Variants in DISP3 observed in about 807,000 individuals in gnomAD.
DISP3 encodes the protein dispatched RND transporter family member 3.
A neutral mutation model predicts 135.3 loss-of-function variants in DISP3; 101 were observed. The observed-to-expected ratio is 0.75, with a 90% confidence interval of 0.64 to 0.88. The LOEUF is 0.88. Among genes scored for constraint, DISP3 ranks in the 40% least tolerant of loss-of-function variants. The pLI, the probability that DISP3 is intolerant of heterozygous loss-of-function variation, is 0.00. For synonymous variants in DISP3, 856 were observed against 817.0 expected (o/e 1.05, Z -0.81); for missense variants, 1,713 against 1,878.6 (o/e 0.91, Z 1.63).
At chr1:11,527,658 G>A (rs757664889) in intron 13 of DISP3, among the ~76,000 whole-genome samples, 6 of 152,126 alleles carry the variant, frequency 3.9e-5, no homozygotes, top group Admixed American at 1.3e-4. Flanking sequence ...AGACGGGCCC[G>A]GGAGCTGCTC....
At chr1:11,517,366 T>TCTGGGGTC in intron 6 of DISP3, 97 bp from the exon 7 acceptor site, 1 of 1,510,786 alleles carries the variant, frequency 6.6e-7, no homozygotes, top group Non-Finnish European at 9.1e-7. Flanking sequence ...CTGGGCCAGA[T>TCTGGGGTC]CTGGGGTCCT....
chr1:11,523,837 C>T lies in DISP3; in HGVS notation c.2363-105C>T, dbSNP rs566315577. ...CCCACCCCCTCCAGTCCCTGGGCCC[C>T]AGTTCCTGAGACTGTCTCAGATCCC... is the stretch of plus-strand genomic sequence containing the variant. On this transcript the variant is annotated intron_variant, in intron 10 of 20. Coordinates refer to ENST00000294484, the MANE Select transcript of DISP3 (RefSeq NM_020780.2). 3.3e-5 allele frequency: 28 copies of T among 843,198 alleles called. No individual in the cohort carries two copies. In the East Asian group the frequency reaches 7.1e-4, roughly 21 times the overall value. The allele number at this position is 843,198 out of a possible 1,614,324, so 52.2% of individuals were successfully genotyped here.
rs1380537520 is a variant in DISP3 at position 11,520,674 on chromosome 1, C to T, written c.2201-13C>T. 1 of 1,611,832 alleles carries T rather than the reference C, an allele frequency of 6.2e-7. No individual in the cohort carries two copies. Among genetic ancestry groups the T allele is most frequent in the Non-Finnish European group, 8.5e-7 (1 of 1,179,006 alleles). On this transcript the variant is annotated splice_polypyrimidine_tract_variant and intron_variant, in intron 9 of 20. Transcript: ENST00000294484. This position sits in a 1 kb window ranked among gnomAD's most constrained non-coding sequence, Gnocchi z 4.8. The stretch of plus-strand genomic sequence containing the variant: ...GGCCCAGCCCCGCCTGGTGTAGCGC[C>T]CTTTCCTCACAGGGCTGTTCGTCTC...
At chr1:11,515,899 G>T (rs1292838048) in intron 5 of DISP3, 102 bp from the exon 6 acceptor site, 2 of 1,355,218 alleles carry the variant, frequency 1.5e-6, no homozygotes, top group Non-Finnish European at 2.0e-6. Flanking sequence ...CCTGCAGCCT[G>T]ACCTCCCAGG....
intron 17 of DISP3, 117 bp from the exon 18 acceptor site, chr1:11,534,264 C>T (rs1642649120): frequency 7.9e-7 from 1 of 1,272,164 alleles, no homozygotes. Context: ...GTTGTTCACA[C>T]CCTCCCCAAC....
intron 4 of DISP3, 64 bp from the exon 5 acceptor site, chr1:11,515,305 C>T (rs536216777): frequency 6.3e-7 from 1 of 1,587,798 alleles, no homozygotes; most frequent in South Asian, 1.1e-5. Flanking sequence ...GTCAGGGACT[C>T]TAGTGGGGTT....
intron 3 of DISP3, among the ~76,000 whole-genome samples, chr1:11,509,210 A>G (rs1455133638): frequency 1.3e-5 from 2 of 152,052 alleles, no homozygotes; most frequent in African/African-American, 4.8e-5. Flanking sequence ...GGAATTTTTC[A>G]GGCTTTTTGT....
At position 11,529,654 on chromosome 1, in the gene DISP3, C is replaced by T; in HGVS notation, c.2897C>T (p.Thr966Ile). ...CTTAGCTCCAGCCCCGATGGGCCTA[C>T]CAAAGGCTTCTTCTTCGTGCCTAGT... is the stretch of plus-strand genomic sequence containing the variant. ...CLLSSSPDGP[T>I]KGFFFVPSEK... Residue 966 changes from threonine (T) to isoleucine (I), a missense_variant, in exon 14 of 21, where the codon ACC becomes ATC. Physicochemically the swap from Thr to Ile is moderately conservative, Grantham distance 89 (BLOSUM62 -1). Coordinates refer to ENST00000294484, the MANE Select transcript of DISP3 (RefSeq NM_020780.2). This position sits in a 1 kb window ranked among gnomAD's most constrained non-coding sequence, Gnocchi z 4.7. The T allele has an allele frequency of 6.2e-7, 1 of 1,608,658 alleles. No homozygotes were observed. Among genetic ancestry groups the T allele is most frequent in the African/African-American group, 1.3e-5 (1 of 74,958 alleles).
At chr1:11,503,454 G>A (rs528817287) in intron 3 of DISP3, among the ~76,000 whole-genome samples, 12 of 152,294 alleles carry the variant, frequency 7.9e-5, no homozygotes, top group South Asian at 2.1e-4. Flanking sequence ...GTAATTCTTC[G>A]TTCAAGACCA....
intron 6 of DISP3, 115 bp from the exon 7 acceptor site, chr1:11,517,348 G>C: frequency 3.6e-6 from 5 of 1,392,310 alleles, no homozygotes; most frequent in Non-Finnish European, 5.0e-6. Context: ...TCCTCCTACT[G>C]CCTCAGTCTG....
At chr1:11,530,311 C>T (rs1322988218) in intron 15 of DISP3, among the ~76,000 whole-genome samples, 1 of 152,252 alleles carries the variant, frequency 6.6e-6, no homozygotes, top group African/African-American at 2.4e-5. Flanking sequence ...GCCTCCCTCC[C>T]TCACATGCAC....
At chr1:11,506,782 G>A (rs1641716567) in intron 3 of DISP3, among the ~76,000 whole-genome samples, 2 of 152,074 alleles carry the variant, frequency 1.3e-5, no homozygotes, top group Non-Finnish European at 2.9e-5. Flanking sequence ...CTGCCTGTGG[G>A]TATACCTGGT....
At chr1:11,514,788 C>T (rs1270308583) in intron 4 of DISP3, among the ~76,000 whole-genome samples, 4 of 152,228 alleles carry the variant, frequency 2.6e-5, no homozygotes, top group African/African-American at 9.6e-5. Flanking sequence ...CCATCTTTCT[C>T]CTATTGATAG....
chr1:11,506,832 G>A (rs560033300), intron 3 of DISP3, among the ~76,000 whole-genome samples: 2 of 152,114 alleles, frequency 1.3e-5, no homozygotes, highest in South Asian at 4.1e-4. Context: ...GAGACAAGGT[G>A]TCACTCTCAT....
At chr1:11,522,755 GCCAGGA>G (rs1642263671) in intron 10 of DISP3, among the ~76,000 whole-genome samples, 181 of 139,730 alleles carry the variant, frequency 1.3e-3, no homozygotes, top group Non-Finnish European at 1.9e-3. Context: ...CCAGGACCCA[GCCAGGA>G]CCCAGCCAGG....
rs1270935119 is a variant in DISP3, at chr1:11,515,389, A to G, written c.1474A>G (p.Ile492Val). 1.9e-6 allele frequency: 3 copies of G among 1,614,120 alleles called. No individual in the cohort carries two copies. The highest frequency in any genetic ancestry group is 3.3e-4 in the Middle Eastern group (2 of 6,060). The change falls in exon 5 of 21, where the codon ATT (isoleucine) becomes GTT (valine). Residue 492 changes from isoleucine to valine, a missense_variant. By Grantham distance (29) the Ile-to-Val change is conservative (BLOSUM62 3). This residue lies in a region of DISP3 where 1,142 missense variants were observed against 1,384.6 expected (regional missense o/e 0.82). Coordinates refer to ENST00000294484, the MANE Select transcript of DISP3 (RefSeq NM_020780.2). ...SCSVFLSFFG[I>V]ASIGLSCLVA... ...CCCAGTGTTCCTGTCCTTCTTTGGG[A>G]TTGCCAGCATTGGTCTCAGCTGCCT...
Position 11,483,052 on chromosome 1 carries a change from C to T in DISP3, c.-4+3680C>T, listed in dbSNP as rs1372662291. 6.6e-6 allele frequency among the ~76,000 whole-genome samples: 1 copy of T among 152,252 alleles called. No individual in the cohort carries two copies. Reference sequence around the variant, plus strand: ...CGGGCAGACAGTGCGGCTCACGCTGCAGCTGCCCAACAAAGGCCGGAGGCA... The same window carrying T: ...CGGGCAGACAGTGCGGCTCACGCTGTAGCTGCCCAACAAAGGCCGGAGGCA... On this transcript the variant is annotated intron_variant, in intron 1 of 20. Coordinates refer to ENST00000294484, the MANE Select transcript of DISP3 (RefSeq NM_020780.2). The surrounding 1 kb of genome is among the most constrained non-coding windows in gnomAD (Gnocchi z 5.4).
chr1:11,523,593 G>A (rs372599073), intron 10 of DISP3, among the ~76,000 whole-genome samples: 27 of 136,442 alleles, frequency 2.0e-4, no homozygotes, highest in African/African-American at 7.2e-4. Context: ...CACAGAGATG[G>A]CAAGCAGGGG....
rs771153482 is a variant in DISP3 at position 11,501,134 on chromosome 1, C to T, written c.142C>T (p.His48Tyr). Reference sequence around the variant, plus strand: ...GGCAGGGGGACAGTGTTGCTGGCGGCACTGGCCCCTGGCTTCCCGACCCCC... The same window carrying T: ...GGCAGGGGGACAGTGTTGCTGGCGGTACTGGCCCCTGGCTTCCCGACCCCC... Reference protein sequence around the residue: ...PGAGGQCCWRHWPLASRPPAS... With the variant: ...PGAGGQCCWRYWPLASRPPAS... Residue 48 changes from histidine to tyrosine, a missense_variant, in exon 2 of 21, where the codon CAC becomes TAC. By Grantham distance (83) the His-to-Tyr change is moderately conservative (BLOSUM62 2). Transcript: ENST00000294484. This position sits in a 1 kb window ranked among gnomAD's most constrained non-coding sequence, Gnocchi z 4.9. 1.2e-6 allele frequency: 2 copies of T among 1,613,828 alleles called. No individual in the cohort carries two copies. The highest frequency in any genetic ancestry group is 2.2e-5 in the South Asian group (2 of 91,060).
Sources: allele counts gnomAD v4.1 joint callset (sites outside exome capture counted in the v4.1 genomes callset), GRCh38; gene constraint gnomAD v4.1.1; regional missense constraint gnomAD v4.1.1; non-coding constraint Gnocchi (gnomAD v3.1); transcripts MANE v1.5; gene names NCBI Gene and HGNC (gene_info 2026-07-23, HGNC 2026-07-21).